Variants in GREB1 observed in about 807,000 individuals in gnomAD.
GREB1 encodes protein GREB1.
GREB1 carries 106 observed loss-of-function variants against 200.7 expected under a neutral mutation model. The observed-to-expected ratio is 0.53, with a 90% CI of 0.45 to 0.62. The LOEUF is 0.62. Among genes scored for constraint, GREB1 ranks in the 20% least tolerant of loss-of-function variants. The pLI is 0.00. For synonymous variants in GREB1, 1,132 were observed against 1,092.4 expected (o/e 1.04, Z -0.72); for missense variants, 2,243 against 2,556.8 (o/e 0.88, Z 2.65).
At position 11,610,860 on chromosome 2, in the gene GREB1, G is replaced by A. The variant is rs778634929; in HGVS notation, c.2839G>A (p.Gly947Arg). ...CCCGAAGCAGTGCCCCTGCGGCCAC[G>A]GGCTCATGGTCCTGCTGCGGGTGCC... ...NSPKQCPCGH[G>R]LMVLLRVPCS... The change falls in exon 18 of 33, where the codon GGG becomes AGG. Residue 947 changes from glycine (G) to arginine (R), a missense_variant. This residue lies in a region of GREB1 where 1,178 missense variants were observed against 1,387.4 expected (regional missense o/e 0.85). Coordinates refer to ENST00000381486, the MANE Select transcript of GREB1 (RefSeq NM_014668.4). 4 of 1,613,184 alleles carry A rather than the reference G, an allele frequency of 2.5e-6. No individual in the cohort carries two copies. Among genetic ancestry groups the A allele is most frequent in the African/African-American group, 2.7e-5 (2 of 74,938 alleles).
rs577060769 is a variant in GREB1, at chr2:11,602,331, C to T, written c.2530-75C>T. The T allele has an allele frequency of 5.4e-5, 75 of 1,384,668 alleles. 1 individual carries two copies. Among genetic ancestry groups the T allele is most frequent in the Middle Eastern group, 2.5e-4 (1 of 4,052 alleles). 85.8% of individuals were successfully genotyped at this position (1,384,668 alleles called of 1,614,324 possible). A position where few individuals can be genotyped will look rare whatever the true frequency, so the allele number is the denominator to read the frequency against. ...TGAAGTTGCCAACCCAGGTCATCCG[C>T]AGGCCTGGCACACGAACCTCTGACC... is the stretch of plus-strand genomic sequence containing the variant. On this transcript the variant is annotated intron_variant, in intron 16 of 32. Coordinates refer to ENST00000381486, the MANE Select transcript of GREB1 (RefSeq NM_014668.4).
chr2:11,573,886 G>A (rs1446677538), intron 4 of GREB1, among the ~76,000 whole-genome samples: 1 of 152,210 alleles, frequency 6.6e-6, no homozygotes, highest in Non-Finnish European at 1.5e-5. Context: ...CCTGTAACCT[G>A]CTTAGCTGTC....
At position 11,618,862 on chromosome 2, in the gene GREB1, C is replaced by A. The variant is rs113948769; in HGVS notation, c.3987C>A (p.Ala1329=). 5 of 1,586,382 alleles carry A rather than the reference C, an allele frequency of 3.2e-6. No homozygotes were observed. The highest frequency in any genetic ancestry group is 4.5e-5 in the East Asian group (2 of 44,634). ...RPSHMDYGNR[A]EGRVDGFHPR... is the part of the protein sequence containing the mutation. ...GCCACATGGACTACGGCAACCGGGC[C>A]GAGGGCCGCGTGGACGGCTTCCACC... The change falls in exon 22 of 33, where the codon GCC becomes GCA. Residue 1329 remains alanine, a synonymous_variant. Transcript: ENST00000381486.
intron 1 of GREB1, among the ~76,000 whole-genome samples, chr2:11,513,555 A>C (rs901940566): frequency 1.3e-5 from 2 of 152,146 alleles, no homozygotes; most frequent in Non-Finnish European, 2.9e-5. Flanking sequence ...TAGCTGGTAG[A>C]ATTTTCTCCC....
Position 11,597,158 on chromosome 2 carries a change from T to C in GREB1, c.1955-623T>C, listed in dbSNP as rs992199010. ...CACTGGCGAGGGCCTCGGTCTGGCC[T>C]GGGAGGCAGCATCCAAGGACTCAGA... On this transcript the variant is annotated intron_variant, in intron 13 of 32. Coordinates refer to ENST00000381486, the MANE Select transcript of GREB1 (RefSeq NM_014668.4). The surrounding 1 kb of genome is among the most constrained non-coding windows in gnomAD (Gnocchi z 4.1). Among the ~76,000 whole-genome samples the C allele has an allele frequency of 1.6e-4, 24 of 152,060 alleles. No individual in the cohort carries two copies. The highest frequency in any genetic ancestry group is 5.5e-4 in the African/African-American group (23 of 41,460).
intron 17 of GREB1, 21 bp from the exon 18 acceptor site, chr2:11,610,667 G>C: frequency 6.4e-7 from 1 of 1,564,412 alleles, no homozygotes; most frequent in Non-Finnish European, 8.7e-7. Context: ...CACAGACATG[G>C]TCTCTCTGTG....
chr2:11,587,574 G>A, intron 9 of GREB1: 1 of 1,508,510 alleles, frequency 6.6e-7, no homozygotes, highest in South Asian at 1.2e-5. Flanking sequence ...TTGAGAACGT[G>A]ACCTGTGCCC....
chr2:11,613,892 C>T (rs1683154674), intron 19 of GREB1, among the ~76,000 whole-genome samples: 1 of 152,122 alleles, frequency 6.6e-6, no homozygotes, highest in Admixed American at 6.5e-5. Context: ...TTCAGAGCCC[C>T]ACTGGAACCC....
chr2:11,626,996 T>C lies in GREB1; in HGVS notation c.4341T>C (p.Tyr1447=). The change falls in exon 25 of 33, where the codon TAT becomes TAC. Residue 1447 remains tyrosine (Y), a synonymous_variant. Coordinates refer to ENST00000381486, the MANE Select transcript of GREB1 (RefSeq NM_014668.4). Reference sequence around the variant, plus strand: ...TGTCCCGGAAGCCGGAGGACCTTTATGTGCGGCGTCAGACGGCACGGATGA... The same window carrying C: ...TGTCCCGGAAGCCGGAGGACCTTTACGTGCGGCGTCAGACGGCACGGATGA... ...RGMSRKPEDL[Y]VRRQTARMRL... is the part of the protein sequence containing the mutation. The C allele has an allele frequency of 6.2e-7, 1 of 1,614,192 alleles. No individual in the cohort carries two copies. The highest frequency in any genetic ancestry group is 8.5e-7 in the Non-Finnish European group (1 of 1,180,012).
chr2:11,500,505 T>G (rs892860707), intron 1 of GREB1, among the ~76,000 whole-genome samples: 4 of 151,806 alleles, frequency 2.6e-5, no homozygotes, highest in Non-Finnish European at 5.9e-5. Context: ...GGTTTCACCA[T>G]GTTGGCTAGG....
At chr2:11,635,510 C>T (rs539764598) in intron 30 of GREB1, 105 bp downstream of exon 30, 20 of 1,337,330 alleles carry the variant, frequency 1.5e-5, no homozygotes, top group Middle Eastern at 2.3e-4. Flanking sequence ...CTCTTTCAAG[C>T]GCATGGGGCA....
At chr2:11,637,554 A>G (rs986802394) in intron 30 of GREB1, among the ~76,000 whole-genome samples, 162 bp from the exon 31 acceptor site, 1 of 152,168 alleles carries the variant, frequency 6.6e-6, no homozygotes, top group Non-Finnish European at 1.5e-5. Context: ...GTAAAACCTA[A>G]TCTTTCTCAA....
intron 2 of GREB1, among the ~76,000 whole-genome samples, chr2:11,560,625 C>T (rs761398346): frequency 2.6e-5 from 4 of 151,550 alleles, no homozygotes; most frequent in African/African-American, 7.3e-5. Context: ...CGCTTGAACC[C>T]GGGAGGCGGA....
chr2:11,538,452 A>G (rs1188979363), intron 1 of GREB1, among the ~76,000 whole-genome samples: 1 of 152,190 alleles, frequency 6.6e-6, no homozygotes, highest in Non-Finnish European at 1.5e-5. Flanking sequence ...GATCCTAGCA[A>G]GAAGAGAAAA....
intron 4 of GREB1, among the ~76,000 whole-genome samples, chr2:11,570,507 G>A (rs556689128): frequency 4.7e-5 from 7 of 149,552 alleles, no homozygotes; most frequent in East Asian, 3.9e-4. Context: ...CAGGGTGTTC[G>A]AATTGTTATC....
chr2:11,503,856 T>C (rs905065255), intron 1 of GREB1, among the ~76,000 whole-genome samples: 21 of 5,786 alleles, frequency 3.6e-3, no homozygotes, highest in South Asian at 0.028. Flanking sequence ...ATTCCAGTAA[T>C]TCCCCCTTGT....
chr2:11,568,446 G>A (rs1182345278), intron 4 of GREB1, among the ~76,000 whole-genome samples: 1 of 152,240 alleles, frequency 6.6e-6, no homozygotes, highest in Non-Finnish European at 1.5e-5. Context: ...ACTCTTTTGA[G>A]GCAGGCTCAT....
intron 1 of GREB1, among the ~76,000 whole-genome samples, chr2:11,528,029 G>A (rs1673946910): frequency 6.6e-6 from 1 of 152,130 alleles, no homozygotes; most frequent in African/African-American, 2.4e-5. Context: ...CAATATCTCA[G>A]AATCAGCCTT....
intron 3 of GREB1, 46 bp from the exon 4 acceptor site, chr2:11,566,434 T>G: frequency 6.5e-7 from 1 of 1,540,066 alleles, no homozygotes; most frequent in Middle Eastern, 2.4e-4. Flanking sequence ...TGACCCCGCT[T>G]CTGGGAAGCC....
Sources: allele counts gnomAD v4.1 joint callset (sites outside exome capture counted in the v4.1 genomes callset), GRCh38; gene constraint gnomAD v4.1.1; regional missense constraint gnomAD v4.1.1; non-coding constraint Gnocchi (gnomAD v3.1); transcripts MANE v1.5; gene names NCBI Gene and HGNC (gene_info 2026-07-23, HGNC 2026-07-21).